Variants in PKD1L3 observed in about 807,000 individuals in gnomAD.
PKD1L3 encodes polycystin-1-like protein 3.
PKD1L3 carries 239 observed loss-of-function variants against 184.1 expected under a neutral mutation model. That is an observed-to-expected ratio of 1.30 (90% CI 1.17 to 1.45). The LOEUF (loss-of-function observed/expected upper bound fraction) is 1.45, where lower values mean the gene tolerates loss of function less well. Ranked by LOEUF, PKD1L3 falls within the 40% of genes most tolerant of loss-of-function variation. The probability of loss-of-function intolerance (pLI) is 0.00; values close to 1 mark genes in which losing one functional copy is unlikely to be tolerated. For missense variants in PKD1L3, 2,660 were observed against 2,067.2 expected, an observed-to-expected ratio of 1.29 and a Z score of -5.56; for synonymous variants, 996 against 778.8, an observed-to-expected ratio of 1.28 and a Z score of -4.64.
intron 9 of PKD1L3, 92 bp from the exon 10 acceptor site, chr16:71,978,475 A>T (rs893787795): frequency 2.6e-5 from 10 of 385,412 alleles, no homozygotes; most frequent in Non-Finnish European, 3.1e-5. Flanking sequence ...ATATGTATAT[A>T]TGTGTGTGTG....
intron 2 of PKD1L3, among the ~76,000 whole-genome samples, chr16:71,995,937 T>A (rs1190148159): frequency 6.6e-6 from 1 of 152,202 alleles, no homozygotes; most frequent in Non-Finnish European, 1.5e-5. Context: ...TTTATGCCAA[T>A]CTGATAGGTG....
chr16:71,998,965 C>G (rs968236852), intron 1 of PKD1L3, among the ~76,000 whole-genome samples: 2 of 152,002 alleles, frequency 1.3e-5, no homozygotes, highest in African/African-American at 4.8e-5. Context: ...GATTATGGTG[C>G]ATAACTTTGA....
chr16:71,951,504 CAT>C (rs1222480996), intron 19 of PKD1L3, 58 bp downstream of exon 19: 3 of 1,455,370 alleles, frequency 2.1e-6, no homozygotes, highest in African/African-American at 1.4e-5. Context: ...GAAAGTAAGA[CAT>C]ATGCAAGGGA....
intron 11 of PKD1L3, among the ~76,000 whole-genome samples, chr16:71,975,509 G>A (rs2039885174): frequency 1.3e-5 from 2 of 151,920 alleles, no homozygotes; most frequent in African/African-American, 4.8e-5. Flanking sequence ...AAATACATAG[G>A]ACATATTTCA....
chr16:71,956,066 C>T (rs571762163), intron 16 of PKD1L3, among the ~76,000 whole-genome samples: 5 of 152,136 alleles, frequency 3.3e-5, no homozygotes, highest in African/African-American at 4.8e-5. Context: ...CCATGTTGCC[C>T]AGGCTGGTCT....
intron 24 of PKD1L3, among the ~76,000 whole-genome samples, chr16:71,939,250 A>AC (rs2038281696): frequency 6.6e-6 from 1 of 152,086 alleles, no homozygotes; most frequent in African/African-American, 2.4e-5. Flanking sequence ...CAATGGCTGG[A>AC]CCCCGTGCTT....
chr16:71,938,519 G>T (rs549288937), intron 24 of PKD1L3, among the ~76,000 whole-genome samples: 1 of 152,350 alleles, frequency 6.6e-6, no homozygotes, highest in African/African-American at 2.4e-5. Context: ...AAGCCTGGGG[G>T]CTGGGCTGCC....
Position 71,980,330 on chromosome 16 carries a change from T to G in PKD1L3, c.1144-196A>C, listed in dbSNP as rs918868192. Among the ~76,000 whole-genome samples the G allele has an allele frequency of 5.3e-5, 8 of 152,266 alleles. No homozygotes were observed. In the East Asian group the frequency reaches 1.5e-3, roughly 29 times the overall value. ...AGACTTAGCATCCTTTGAACCAAAC[T>G]AAGAGGGCTGGCCAAGGAAATATGC... On this transcript the variant is annotated intron_variant, in intron 7 of 29. Coordinates refer to ENST00000620267, the MANE Select transcript of PKD1L3 (RefSeq NM_181536.2).
At chr16:71,963,677 A>G (rs2143538937) in intron 15 of PKD1L3, among the ~76,000 whole-genome samples, 1 of 152,250 alleles carries the variant, frequency 6.6e-6, no homozygotes, top group African/African-American at 2.4e-5. Context: ...GAGCTACTTG[A>G]AAGGCTGAGG....
At chr16:71,989,734 C>A (rs1035542) in intron 4 of PKD1L3, among the ~76,000 whole-genome samples, 70,496 of 152,010 alleles carry the variant, frequency 0.46, 17,672 homozygotes, top group African/African-American at 0.65. Flanking sequence ...ACCCAACCAA[C>A]AAACACTTGA....
At position 71,974,545 on chromosome 16, in the gene PKD1L3, G is replaced by A. The variant is rs79321370; in HGVS notation, c.1760-1028C>T. Among the ~76,000 whole-genome samples, 213 of 152,290 alleles carry A rather than the reference G, an allele frequency of 1.4e-3. 4 individuals are homozygous for A. The East Asian group carries it at 0.037, about 27-fold the overall frequency. Reference sequence around the variant, plus strand: ...AAAACACAAAAAATTAGCCAGGCATGGTGGCATATGCGCCTGCAGTCCCAG... The same window carrying A: ...AAAACACAAAAAATTAGCCAGGCATAGTGGCATATGCGCCTGCAGTCCCAG... On this transcript the variant is annotated intron_variant, in intron 11 of 29. Transcript: ENST00000620267.
At chr16:71,965,475 C>T (rs1003454614) in intron 15 of PKD1L3, among the ~76,000 whole-genome samples, 1 of 151,918 alleles carries the variant, frequency 6.6e-6, no homozygotes, top group Non-Finnish European at 1.5e-5. Flanking sequence ...CTGAAGTGGC[C>T]ATACCATTTT....
chr16:71,957,689 C>T (rs186942970), intron 16 of PKD1L3, among the ~76,000 whole-genome samples: 2 of 152,112 alleles, frequency 1.3e-5, no homozygotes, highest in Non-Finnish European at 2.9e-5. Context: ...TCTAGCTACT[C>T]GGGAGGCTAA....
Position 71,933,460 on chromosome 16 carries a change from G to A in PKD1L3, c.4886C>T (p.Thr1629Ile). 1 of 1,551,242 alleles carries A rather than the reference G, an allele frequency of 6.4e-7. No homozygotes were observed. Among genetic ancestry groups the A allele is most frequent in the Non-Finnish European group, 8.7e-7 (1 of 1,146,508 alleles). ...DYRTFFSSAVTVVGLLMGISH... is the reference protein window; with the variant it reads ...DYRTFFSSAVIVVGLLMGISH... ...AATTCCCATCAGGAGACCAACAACA[G>A]TCACTGCTGAGCTGAAAAATGTCCG... Residue 1629 changes from threonine (T) to isoleucine (I), a missense_variant, in exon 28 of 30, where the codon ACT (threonine) becomes ATT (isoleucine). Thr to Ile is a moderately conservative substitution (Grantham distance 89). Coordinates refer to ENST00000620267, the MANE Select transcript of PKD1L3 (RefSeq NM_181536.2).
intron 24 of PKD1L3, among the ~76,000 whole-genome samples, chr16:71,939,592 G>C (rs549584706): frequency 8.5e-5 from 13 of 152,108 alleles, no homozygotes; most frequent in Non-Finnish European, 1.8e-4. Flanking sequence ...TCTATATTTT[G>C]TTAGTAACTA....
At chr16:71,956,378 G>A (rs1328774861) in intron 16 of PKD1L3, among the ~76,000 whole-genome samples, 1 of 151,650 alleles carries the variant, frequency 6.6e-6, no homozygotes, top group Non-Finnish European at 1.5e-5. Flanking sequence ...ATTTTTAGTA[G>A]AGATGGAGTT....
chr16:71,930,076 A>C lies in PKD1L3; in HGVS notation c.5034T>G (p.Phe1678Leu). 1 of 1,549,946 alleles carries C rather than the reference A, an allele frequency of 6.5e-7. No individual in the cohort carries two copies. Among genetic ancestry groups the C allele is most frequent in the East Asian group, 2.4e-5 (1 of 40,914 alleles). Reference sequence around the variant, plus strand: ...CCTTAAGCGACTTTCTTTCTTTTCCAAAGGCCATGAGAATGGCCGAAACGA... The same window carrying C: ...CCTTAAGCGACTTTCTTTCTTTTCCCAAGGCCATGAGAATGGCCGAAACGA... ...NLFVSAILMA[F>L]GKERKSLKKE... Residue 1678 changes from phenylalanine (F) to leucine (L), a missense_variant, in exon 29 of 30, where the codon TTT becomes TTG. Physicochemically the swap from Phe to Leu is conservative, Grantham distance 22 (BLOSUM62 0). Transcript: ENST00000620267.
chr16:71,984,056 T>G lies in PKD1L3; in HGVS notation c.946A>C (p.Arg316=), dbSNP rs1280604761. 8 of 1,552,166 alleles carry G rather than the reference T, an allele frequency of 5.2e-6. No homozygotes were observed. Among genetic ancestry groups the G allele is most frequent in the African/African-American group, 2.7e-5 (2 of 73,046 alleles). ...FLQKLTALTP[R]FSKPAQVNLI... is the part of the protein sequence containing the mutation. ...CTTACCTGAGCTGGCTTAGAAAATC[T>G]TGGGGTTAAGGCTGTTAGTTTCTGG... The change falls in exon 6 of 30, where the codon AGA becomes CGA. Residue 316 remains arginine (R), a synonymous_variant. Transcript: ENST00000620267.
Position 71,953,696 on chromosome 16 carries a change from C to T in PKD1L3, c.2809+409G>A, listed in dbSNP as rs554604353. Among the ~76,000 whole-genome samples, 4 of 152,168 alleles carry T rather than the reference C, an allele frequency of 2.6e-5. No individual in the cohort carries two copies. The South Asian group carries it at 8.3e-4, about 32-fold the overall frequency. On this transcript the variant is annotated intron_variant, in intron 17 of 29. Transcript: ENST00000620267. ...GCAACCTCCGCCTCCTGGGTTTAAG[C>T]AATTCAACCATCAGATCTCATGAGA...
Sources: allele counts gnomAD v4.1 joint callset (sites outside exome capture counted in the v4.1 genomes callset), GRCh38; gene constraint gnomAD v4.1.1; transcripts MANE v1.5; gene names NCBI Gene and HGNC (gene_info 2026-07-23, HGNC 2026-07-21).